The following MAD1L1 variants were observed in gnomAD, a reference collection of about 807,000 sequenced individuals.
MAD1L1 encodes mitotic arrest deficient 1 like 1, also known as mitotic spindle assembly checkpoint protein MAD1.
MAD1L1 carries 95 observed loss-of-function variants against 96.9 expected under a neutral mutation model. The ratio of observed to expected loss-of-function variants is 0.98; its 90% confidence interval spans 0.83 to 1.16. The LOEUF is 1.16. MAD1L1 is among the 50% of genes most tolerant of loss of function. The pLI, the probability that MAD1L1 is intolerant of heterozygous loss-of-function variation, is 0.00. For synonymous variants in MAD1L1, 473 were observed against 396.6 expected (o/e 1.19, Z -2.29); for missense variants, 1,007 against 954.4 (o/e 1.06, Z -0.73).
chr7:2,013,073 G>A (rs2128497586), intron 13 of MAD1L1, among the ~76,000 whole-genome samples: 1 of 152,332 alleles, frequency 6.6e-6, no homozygotes, highest in Admixed American at 6.5e-5. Context: ...TTCATTAAAT[G>A]TCTCCCCTAC....
intron 11 of MAD1L1, among the ~76,000 whole-genome samples, chr7:2,120,068 C>T (rs1387266497): frequency 6.6e-6 from 1 of 152,220 alleles, no homozygotes; most frequent in South Asian, 2.1e-4. Flanking sequence ...GTGGCACCTG[C>T]CTTTTCACTC....
intron 11 of MAD1L1, among the ~76,000 whole-genome samples, chr7:2,123,984 C>T (rs1037391556): frequency 2.6e-5 from 4 of 152,198 alleles, no homozygotes; most frequent in African/African-American, 4.8e-5. Flanking sequence ...GCTTAGGCCC[C>T]GGGGGCAAGA....
intron 12 of MAD1L1, among the ~76,000 whole-genome samples, chr7:2,059,581 G>A (rs1037778501): frequency 4.1e-5 from 6 of 144,838 alleles, no homozygotes; most frequent in Admixed American, 2.1e-4. Flanking sequence ...CAGGGGAGGG[G>A]AGAGGAGAGG....
At chr7:1,919,156 C>T (rs1237304897) in intron 17 of MAD1L1, among the ~76,000 whole-genome samples, 2 of 152,258 alleles carry the variant, frequency 1.3e-5, no homozygotes, top group Non-Finnish European at 2.9e-5. Context: ...CTCACAACTG[C>T]CCCAGGACCT....
At chr7:1,958,830 G>A (rs923081285) in intron 15 of MAD1L1, among the ~76,000 whole-genome samples, 6 of 152,198 alleles carry the variant, frequency 3.9e-5, no homozygotes, top group African/African-American at 9.7e-5. Flanking sequence ...GTTCAGACTC[G>A]GAAGAGACAC....
chr7:1,887,866 TGTGTGCAAGCATGC>T (rs1786210188), intron 18 of MAD1L1, among the ~76,000 whole-genome samples: 3 of 147,030 alleles, frequency 2.0e-5, no homozygotes, highest in African/African-American at 7.6e-5. Flanking sequence ...TGTGCACGTG[TGTGTGCAAGCATGC>T]GTGTGTGTGG....
At chr7:2,038,498 C>CTTTTTTTTT (rs60466584) in intron 12 of MAD1L1, among the ~76,000 whole-genome samples, 1,727 of 92,932 alleles carry the variant, frequency 0.019, 140 homozygotes, top group Non-Finnish European at 0.026. Context: ...AAGCTGATGA[C>CTTTTTTTTT]TTTTTTTTTT....
rs201333631 is a variant in MAD1L1 at position 1,846,769 on chromosome 7, G to A, written c.1999-30541C>T. 4 of 171,886 alleles carry A rather than the reference G, an allele frequency of 2.3e-5. No individual in the cohort carries two copies. The East Asian group carries it at 7.2e-4, about 31-fold the overall frequency. 10.6% of individuals were successfully genotyped at this position (171,886 alleles called of 1,614,324 possible). On this transcript the variant is annotated intron_variant, in intron 18 of 18. Coordinates refer to ENST00000265854, the MANE Select transcript of MAD1L1 (RefSeq NM_001013836.2). ...CGCCCCCCCACCGCTCCCCCTCATA[G>A]GAGCCAAGGAGGAGGAAGTGCTTCA...
chr7:1,874,632 G>A (rs1478771215), intron 18 of MAD1L1: 1 of 431,540 alleles, frequency 2.3e-6, no homozygotes, highest in Non-Finnish European at 4.6e-6. Context: ...ATCGCCTGGT[G>A]GGCTTAGGAA....
At chr7:1,974,485 C>A (rs1780540513) in intron 15 of MAD1L1, among the ~76,000 whole-genome samples, 1 of 152,192 alleles carries the variant, frequency 6.6e-6, no homozygotes, top group Non-Finnish European at 1.5e-5. Flanking sequence ...TGAACACTGA[C>A]AGGATGCTTT....
chr7:1,940,958 C>CT (rs1195700121), intron 16 of MAD1L1, among the ~76,000 whole-genome samples: 1 of 151,412 alleles, frequency 6.6e-6, no homozygotes, highest in African/African-American at 2.4e-5. Context: ...TCCTCTTCCT[C>CT]CCCCCGCAGG....
At chr7:2,221,088 C>T (rs1037791011) in intron 5 of MAD1L1, 22 of 1,525,378 alleles carry the variant, frequency 1.4e-5, no homozygotes, top group South Asian at 4.8e-5. Context: ...GCGGCCACCT[C>T]GGCTTAGACA....
chr7:2,126,696 T>G (rs1212885198), intron 11 of MAD1L1, among the ~76,000 whole-genome samples: 1 of 151,244 alleles, frequency 6.6e-6, no homozygotes, highest in African/African-American at 2.4e-5. Context: ...TCACTCAGAG[T>G]TTTTAAACAT....
At chr7:1,975,362 C>G (rs994235790) in intron 15 of MAD1L1, among the ~76,000 whole-genome samples, 2 of 152,172 alleles carry the variant, frequency 1.3e-5, no homozygotes, top group Non-Finnish European at 2.9e-5. Flanking sequence ...CACTTGTACT[C>G]CAGACCCGGC....
At chr7:1,838,441 A>G (rs1783050444) in intron 18 of MAD1L1, 1 of 254,800 alleles carries the variant, frequency 3.9e-6, no homozygotes, top group Non-Finnish European at 8.0e-6. Flanking sequence ...TGTTCTATCA[A>G]CGGATGAACG....
At chr7:2,080,207 C>A (rs1169414617) in intron 11 of MAD1L1, among the ~76,000 whole-genome samples, 5 of 152,248 alleles carry the variant, frequency 3.3e-5, no homozygotes, top group African/African-American at 1.2e-4. Context: ...AAGCCACTCC[C>A]ATTCATTGAC....
intron 18 of MAD1L1, among the ~76,000 whole-genome samples, chr7:1,837,732 A>G (rs1237788724): frequency 6.6e-6 from 1 of 152,254 alleles, no homozygotes; most frequent in East Asian, 1.9e-4. Flanking sequence ...AACGTGGATG[A>G]ACCCGTGGTG....
At chr7:2,062,797 G>A (rs776210667) in intron 12 of MAD1L1, among the ~76,000 whole-genome samples, 11 of 152,120 alleles carry the variant, frequency 7.2e-5, no homozygotes, top group African/African-American at 2.2e-4. Flanking sequence ...AGCACCCACC[G>A]CAGGAAGGCA....
In MAD1L1 at chr7:1,922,454, G is replaced by A. The variant is rs527808266; in HGVS notation, c.1807+14233C>T. On this transcript the variant is annotated intron_variant, in intron 17 of 18. Coordinates refer to ENST00000265854, the MANE Select transcript of MAD1L1 (RefSeq NM_001013836.2). ...TGTGTAATATTTACAGAACTACACA[G>A]ACACACGGACATATTTCTCATAAAG... Among the ~76,000 whole-genome samples, 3 of 152,362 alleles carry A rather than the reference G, an allele frequency of 2.0e-5. No individual in the cohort carries two copies. In the South Asian group the frequency reaches 6.2e-4, roughly 32 times the overall value.
Sources: allele counts gnomAD v4.1 joint callset (sites outside exome capture counted in the v4.1 genomes callset), GRCh38; gene constraint gnomAD v4.1.1; transcripts MANE v1.5; gene names NCBI Gene and HGNC (gene_info 2026-07-23, HGNC 2026-07-21).